The following LRRFIP2 variants were observed in gnomAD, a reference collection of about 807,000 sequenced individuals.
LRRFIP2 encodes LRR binding FLII interacting protein 2.
Under a neutral mutation model 125.9 loss-of-function variants are expected in LRRFIP2, and 109 were observed. That is an observed-to-expected ratio of 0.87 (90% CI 0.74 to 1.01). LRRFIP2 has a LOEUF of 1.01. Ranked by LOEUF, LRRFIP2 falls within the 50% of genes least tolerant of loss-of-function variation. LRRFIP2 has a pLI of 0.00. For synonymous variants in LRRFIP2, 291 were observed against 293.1 expected, an observed-to-expected ratio of 0.99 and a Z score of 0.07; for missense variants, 850 against 862.3, an observed-to-expected ratio of 0.99 and a Z score of 0.18.
intron 6 of LRRFIP2, 126 bp from the exon 7 acceptor site, chr3:37,115,221 T>C (rs2094724694): frequency 3.2e-6 from 2 of 617,156 alleles, no homozygotes; most frequent in South Asian, 2.5e-5. Flanking sequence ...TTATTAAACA[T>C]GAAAGCTAAT....
chr3:37,103,077 A>G, intron 14 of LRRFIP2, 64 bp from the exon 15 acceptor site: 2 of 1,289,196 alleles, frequency 1.6e-6, no homozygotes, highest in East Asian at 2.6e-5. Flanking sequence ...AAAAATAAGA[A>G]CATTGGCCAA....
At position 37,060,986 on chromosome 3, in the gene LRRFIP2, G is replaced by A. The variant is rs2088484479; in HGVS notation, c.1750-2076C>T. Among the ~76,000 whole-genome samples, 1 of 152,164 alleles carries A rather than the reference G, an allele frequency of 6.6e-6. No individual in the cohort carries two copies. Among genetic ancestry groups the A allele is most frequent in the South Asian group, 2.1e-4 (1 of 4,830 alleles). Reference sequence around the variant, plus strand: ...TTCCCCAGTGCTGAAGGTGGGGCCTGGCAGGAGGTATCTGGGTCATGGGGC... The same window carrying A: ...TTCCCCAGTGCTGAAGGTGGGGCCTAGCAGGAGGTATCTGGGTCATGGGGC... On this transcript the variant is annotated intron_variant, in intron 24 of 27. Coordinates refer to ENST00000336686, the MANE Select transcript of LRRFIP2 (RefSeq NM_006309.4). This position sits in a 1 kb window ranked among gnomAD's most constrained non-coding sequence, Gnocchi z 4.1.
chr3:37,120,265 C>T (rs908736152), intron 6 of LRRFIP2, among the ~76,000 whole-genome samples: 1 of 151,958 alleles, frequency 6.6e-6, no homozygotes, highest in East Asian at 1.9e-4. Context: ...CGCCACCACA[C>T]CCGGCTAATT....
At chr3:37,165,295 CG>C (rs2096451981) in intron 1 of LRRFIP2, among the ~76,000 whole-genome samples, 1 of 151,592 alleles carries the variant, frequency 6.6e-6, no homozygotes, top group Non-Finnish European at 1.5e-5. Flanking sequence ...CTAGGTTGTG[CG>C]TTCCTTATGA....
At position 37,083,656 on chromosome 3, in the gene LRRFIP2, C is replaced by A. The variant is rs2092817333; in HGVS notation, c.1258G>T (p.Glu420Ter). 2 of 1,556,348 alleles carry A rather than the reference C, an allele frequency of 1.3e-6. No individual in the cohort carries two copies. The highest frequency in any genetic ancestry group is 1.4e-5 in the African/African-American group (1 of 70,790). The change falls in exon 19 of 28, where the codon GAA becomes TAA. Residue 420 changes from glutamate (E) to a stop codon, truncating the protein, a stop_gained. Transcript: ENST00000336686. LOFTEE classifies it high-confidence loss of function. ...ATTACCTTTGATTTTTCTTCATTTT[C>A]TCTATAAAATTCTGCCATCTGTTCC... is the stretch of plus-strand genomic sequence containing the variant. The part of the protein sequence containing the change: ...QEEQMAEFYR[E>*]NEEKSKELER...
At chr3:37,104,163 A>G (rs2094205057) in intron 14 of LRRFIP2, among the ~76,000 whole-genome samples, 1 of 152,182 alleles carries the variant, frequency 6.6e-6, no homozygotes, top group South Asian at 2.1e-4. Context: ...ATTAATATTT[A>G]TTGGCACCTA....
intron 1 of LRRFIP2, among the ~76,000 whole-genome samples, chr3:37,166,623 T>C (rs2096494847): frequency 6.6e-6 from 1 of 152,054 alleles, no homozygotes; most frequent in African/African-American, 2.4e-5. Flanking sequence ...TTTGGGAGGC[T>C]GAGGCAGGAG....
chr3:37,142,057 T>C (rs1440923641), intron 2 of LRRFIP2, among the ~76,000 whole-genome samples: 1 of 152,180 alleles, frequency 6.6e-6, no homozygotes, highest in South Asian at 2.1e-4. Context: ...TTCAGAGCCA[T>C]ATTCTTGTTG....
rs140905569 is a variant in LRRFIP2, at chr3:37,053,545, C to T, written c.*306G>A. Reference sequence around the variant, plus strand: ...CCTCCAGAACCCGTGCCAAGGCCTCCGAGTGCCCAGTTACTGAGGCAGCTG... The same window carrying T: ...CCTCCAGAACCCGTGCCAAGGCCTCTGAGTGCCCAGTTACTGAGGCAGCTG... On this transcript the variant is annotated 3_prime_UTR_variant, in exon 28 of 28. Coordinates refer to ENST00000336686, the MANE Select transcript of LRRFIP2 (RefSeq NM_006309.4). 137 of 317,718 alleles carry T rather than the reference C, an allele frequency of 4.3e-4. 1 individual carries two copies. The East Asian group carries it at 6.0e-3, about 14-fold the overall frequency. The allele number at this position is 317,718 out of a possible 1,614,324, so 19.7% of individuals were successfully genotyped here.
chr3:37,127,366 A>G (rs977599190), intron 4 of LRRFIP2, among the ~76,000 whole-genome samples: 2 of 152,180 alleles, frequency 1.3e-5, no homozygotes, highest in African/African-American at 4.8e-5. Flanking sequence ...GAACAAACCC[A>G]TAAAAAGAAA....
chr3:37,069,720 G>C (rs769216557), intron 21 of LRRFIP2, among the ~76,000 whole-genome samples: 2 of 152,160 alleles, frequency 1.3e-5, no homozygotes, highest in African/African-American at 4.8e-5. Context: ...TATGTTATTT[G>C]TACTTTAGCA....
chr3:37,156,269 C>G (rs2096188100), intron 1 of LRRFIP2, among the ~76,000 whole-genome samples: 1 of 151,914 alleles, frequency 6.6e-6, no homozygotes, highest in Non-Finnish European at 1.5e-5. Context: ...TGCTTGAGCC[C>G]AGGAGTTTGA....
intron 18 of LRRFIP2, among the ~76,000 whole-genome samples, chr3:37,084,596 G>A (rs1019995006): frequency 6.6e-6 from 1 of 152,108 alleles, no homozygotes; most frequent in African/African-American, 2.4e-5. Context: ...AGCCCAGGAG[G>A]TCAAGGCTAC....
Position 37,058,080 on chromosome 3 carries a change from A to G in LRRFIP2, c.1870+710T>C, listed in dbSNP as rs1445937787. On this transcript the variant is annotated intron_variant, in intron 25 of 27. Coordinates refer to ENST00000336686, the MANE Select transcript of LRRFIP2 (RefSeq NM_006309.4). ...AAGTAGTTCCAAATAGATTCGTCCAATTATCCAAGACAAATTCCAGAGAAA... is the reference window on the plus strand; with the variant it reads ...AAGTAGTTCCAAATAGATTCGTCCAGTTATCCAAGACAAATTCCAGAGAAA... Among the ~76,000 whole-genome samples the G allele has an allele frequency of 2.6e-5, 4 of 152,224 alleles. No homozygotes were observed. The East Asian group carries it at 7.7e-4, about 29-fold the overall frequency.
chr3:37,144,381 T>C (rs2095803111), intron 2 of LRRFIP2, among the ~76,000 whole-genome samples: 1 of 152,156 alleles, frequency 6.6e-6, no homozygotes, highest in South Asian at 2.1e-4. Flanking sequence ...ATGTTAACAT[T>C]TGTTAATGCT....
intron 22 of LRRFIP2, 84 bp downstream of exon 22, chr3:37,066,140 G>T (rs2148789570): frequency 1.4e-6 from 2 of 1,390,824 alleles, no homozygotes; most frequent in East Asian, 2.3e-5. Context: ...TTGTATTTAG[G>T]CTAGGAAAGA....
At chr3:37,081,411 G>A (rs2092627508) in intron 19 of LRRFIP2, among the ~76,000 whole-genome samples, 1 of 152,120 alleles carries the variant, frequency 6.6e-6, no homozygotes, top group South Asian at 2.1e-4. Context: ...ACACCAGAAT[G>A]CCTGACCTCT....
chr3:37,099,463 A>G (rs1257967604), intron 15 of LRRFIP2, among the ~76,000 whole-genome samples: 1 of 152,202 alleles, frequency 6.6e-6, no homozygotes, highest in African/African-American at 2.4e-5. Context: ...TTTACAGTGT[A>G]GTTTCTTCAA....
At chr3:37,098,040 C>T (rs1290284861) in intron 15 of LRRFIP2, among the ~76,000 whole-genome samples, 2 of 152,272 alleles carry the variant, frequency 1.3e-5, no homozygotes, top group Non-Finnish European at 2.9e-5. Flanking sequence ...GAACACTTCA[C>T]CCTAACTTCC....
Sources: gnomAD v4.1 joint callset for allele counts (sites outside exome capture counted in the v4.1 genomes callset) on GRCh38, gnomAD v4.1.1 for gene constraint, Gnocchi (gnomAD v3.1) non-coding constraint, MANE v1.5 for transcripts, NCBI Gene and HGNC (gene_info 2026-07-23, HGNC 2026-07-21) for gene names.